Variants in ANK1 observed in about 807,000 individuals in gnomAD.
ANK1 encodes the protein ankyrin 1, also known as ankyrin-1.
ANK1 carries 51 observed loss-of-function variants against 210.4 expected under a neutral mutation model. That is an observed-to-expected ratio of 0.24 (90% CI 0.19 to 0.31). The LOEUF (loss-of-function observed/expected upper bound fraction) is 0.31, where lower values mean the gene tolerates loss of function less well. Among genes scored for constraint, ANK1 ranks in the 10% least tolerant of loss-of-function variants. The pLI is 1.00. For missense variants in ANK1, 2,051 were observed against 2,504.4 expected, an observed-to-expected ratio of 0.82 and a Z score of 3.86; for synonymous variants, 967 against 1,025.9, an observed-to-expected ratio of 0.94 and a Z score of 1.10.
intron 1 of ANK1, among the ~76,000 whole-genome samples, chr8:41,895,663 G>A (rs544903585): frequency 9.2e-5 from 14 of 152,292 alleles, no homozygotes; most frequent in African/African-American, 3.4e-4. Flanking sequence ...GGCTTCCAAA[G>A]GAACTTCCCC....
intron 20 of ANK1, among the ~76,000 whole-genome samples, chr8:41,702,628 A>T (rs1374118443): frequency 3.9e-5 from 6 of 152,252 alleles, no homozygotes; most frequent in Non-Finnish European, 7.3e-5. Flanking sequence ...CTCGGAAATC[A>T]CAAATCACCA....
At position 41,696,387 on chromosome 8, in the gene ANK1, C is replaced by A. The variant is rs1312514127; in HGVS notation, c.2936G>T (p.Gly979Val). The part of the protein sequence containing the change: ...EGLASRIIAL[G>V]PTGAQFLSPV... Reference sequence around the variant, plus strand: ...CCTCAGGAACTGTGCCCCCGTGGGCCCCAGTGCTATGATCCTGCTGGCCAG... The same window carrying A: ...CCTCAGGAACTGTGCCCCCGTGGGCACCAGTGCTATGATCCTGCTGGCCAG... Residue 979 changes from glycine (G) to valine (V), a missense_variant, in exon 26 of 43, where the codon GGG (glycine) becomes GTG (valine). Physicochemically the swap from Gly to Val is moderately radical, Grantham distance 109. Transcript: ENST00000289734. 6.2e-7 allele frequency: 1 copy of A among 1,613,324 alleles called. No homozygotes were observed.
intron 2 of ANK1, among the ~76,000 whole-genome samples, chr8:41,738,060 A>T (rs1481049944): frequency 3.3e-5 from 5 of 152,190 alleles, no homozygotes; most frequent in African/African-American, 1.2e-4. Context: ...ACAGCATGTA[A>T]AGGGGTAGAG....
chr8:41,866,775 G>A (rs982497757), intron 1 of ANK1, among the ~76,000 whole-genome samples: 2 of 152,240 alleles, frequency 1.3e-5, no homozygotes, highest in African/African-American at 2.4e-5. Context: ...TGTGGCAGGT[G>A]TAGCAGTGTC....
rs1375440010 is a variant in ANK1, at chr8:41,693,943, C to T, written c.3487G>A (p.Gly1163Arg). 22 of 1,613,550 alleles carry T rather than the reference C, an allele frequency of 1.4e-5. No homozygotes were observed. Among genetic ancestry groups the T allele is most frequent in the Admixed American group, 1.2e-4 (7 of 59,968 alleles). ...CGCAGGCTGGTGGTGTCTCCCTCCC[C>T]GCTGTCCCTCGGGTTGTCGGTCCAG... ...PSWTDNPRDSGEGDTTSLRLL... is the reference protein window; with the variant it reads ...PSWTDNPRDSREGDTTSLRLL... Residue 1163 changes from glycine to arginine, a missense_variant, in exon 29 of 43, where the codon GGG (glycine) becomes AGG (arginine). Coordinates refer to ENST00000289734, the MANE Select transcript of ANK1 (RefSeq NM_000037.4).
upstream of ANK1, chr8:41,797,691 C>A: frequency 8.3e-7 from 1 of 1,200,636 alleles, no homozygotes; most frequent in South Asian, 2.0e-5. This position sits in a 1 kb window ranked among gnomAD's most constrained non-coding sequence, Gnocchi z 4.0. Context: ...TGCTGTCGGG[C>A]CGGGCGCTCC....
At chr8:41,848,836 A>G (rs1297531404) in intron 1 of ANK1, among the ~76,000 whole-genome samples, 1 of 152,112 alleles carries the variant, frequency 6.6e-6, no homozygotes, top group Non-Finnish European at 1.5e-5. Context: ...CCAAGCAGGG[A>G]GTAGGTGGCC....
chr8:41,708,176 C>T (rs778878866), intron 17 of ANK1, among the ~76,000 whole-genome samples: 2 of 151,952 alleles, frequency 1.3e-5, no homozygotes, highest in Non-Finnish European at 2.9e-5. Context: ...AATTATATTT[C>T]GATAAAACTG....
intron 24 of ANK1, chr8:41,697,606 C>T (rs1006885587): frequency 3.0e-5 from 10 of 338,212 alleles, no homozygotes; most frequent in African/African-American, 1.1e-4. Context: ...TTCATGCGTC[C>T]GAGTCCACTC....
At position 41,775,368 on chromosome 8, in the gene ANK1, G is replaced by A. The variant is rs371915352; in HGVS notation, c.28-17231C>T. 4.1e-4 allele frequency among the ~76,000 whole-genome samples: 63 copies of A among 152,274 alleles called. No homozygotes were observed. The South Asian group carries it at 9.7e-3, about 23-fold the overall frequency. On this transcript the variant is annotated intron_variant, in intron 1 of 42. Transcript: ENST00000289734. ...GAGACCTGCCCAAGATTCCAGAGGG[G>A]CTTGTGACCCTGAAATTTGGGGTCT...
intron 1 of ANK1, among the ~76,000 whole-genome samples, chr8:41,806,604 G>A (rs1021083080): frequency 6.6e-6 from 1 of 152,142 alleles, no homozygotes; most frequent in African/African-American, 2.4e-5. Context: ...CCAGCTATTC[G>A]GGAAACAGGA....
At chr8:41,829,051 C>G (rs924048278) in intron 1 of ANK1, 2 of 152,282 alleles carry the variant, frequency 1.3e-5, no homozygotes, top group African/African-American at 4.8e-5. Context: ...CGCGTCTAGA[C>G]CGGTCCGTGA....
intron 1 of ANK1, among the ~76,000 whole-genome samples, chr8:41,846,299 ATTATGCTGGC>A (rs1464167971): frequency 6.6e-6 from 1 of 152,236 alleles, no homozygotes; most frequent in East Asian, 1.9e-4. Context: ...CACACTGCCC[ATTATGCTGGC>A]AACTAGCTGA....
chr8:41,686,113 A>T, intron 36 of ANK1, 39 bp downstream of exon 36: 1 of 1,614,104 alleles, frequency 6.2e-7, no homozygotes, highest in Non-Finnish European at 8.5e-7. Context: ...GGTGGGGAGG[A>T]GGTCCTAGGA....
At chr8:41,700,512 G>A (rs900540237) in intron 22 of ANK1, 8 of 1,539,972 alleles carry the variant, frequency 5.2e-6, no homozygotes, top group African/African-American at 2.7e-5. Flanking sequence ...CAGTTAAAGC[G>A]AGAGGCATAT....
At position 41,672,460 on chromosome 8, in the gene ANK1, G is replaced by C; in HGVS notation, c.4990C>G (p.Gln1664Glu). 6.2e-7 allele frequency: 1 copy of C among 1,614,236 alleles called. No individual in the cohort carries two copies. The highest frequency in any genetic ancestry group is 1.1e-5 in the South Asian group (1 of 91,084). ...KRQDDATGAG[Q>E]DSENEVSLVS... ...AGAGACACTTCATTCTCTGAGTCCTGCCCTGCACCTGTCGCGTCATCCTGC... is the reference window on the plus strand; with the variant it reads ...AGAGACACTTCATTCTCTGAGTCCTCCCCTGCACCTGTCGCGTCATCCTGC... The change falls in exon 38 of 43, where the codon CAG (glutamine) becomes GAG (glutamate). Residue 1664 changes from glutamine (Q) to glutamate (E), a missense_variant. By Grantham distance (29) the Gln-to-Glu change is conservative. Transcript: ENST00000289734.
Position 41,719,824 on chromosome 8 carries a change from C to T in ANK1, c.944G>A (p.Gly315Glu). 6.2e-7 allele frequency: 1 copy of T among 1,614,206 alleles called. No homozygotes were observed. Among genetic ancestry groups the T allele is most frequent in the Non-Finnish European group, 8.5e-7 (1 of 1,180,032 alleles). Residue 315 changes from glycine to glutamate, a missense_variant, in exon 10 of 43, where the codon GGA becomes GAA. Around this residue, in one of 6 missense-constraint regions of ANK1, gnomAD observed 1,413 missense variants for 1,707.4 expected, o/e 0.83. Coordinates refer to ENST00000289734, the MANE Select transcript of ANK1 (RefSeq NM_000037.4). ...GAGCCGGACACAGTCGAGGTGGTCTCCCTGAGCCGCCATGTGAATTGGGGA... is the reference window on the plus strand; with the variant it reads ...GAGCCGGACACAGTCGAGGTGGTCTTCCTGAGCCGCCATGTGAATTGGGGA... ...GLSPIHMAAQ[G>E]DHLDCVRLLL... is the part of the protein sequence containing the mutation.
At chr8:41,771,409 C>T (rs548772587) in intron 1 of ANK1, among the ~76,000 whole-genome samples, 1 of 152,332 alleles carries the variant, frequency 6.6e-6, no homozygotes, top group East Asian at 1.9e-4. Context: ...CACAACCACA[C>T]CCTTAGACCA....
intron 1 of ANK1, among the ~76,000 whole-genome samples, chr8:41,823,198 T>C (rs915340551): frequency 6.6e-6 from 1 of 152,062 alleles, no homozygotes; most frequent in African/African-American, 2.4e-5. Context: ...CATGGGAGTA[T>C]TTTCCTTCTA....
Sources: gnomAD v4.1 joint callset for allele counts (sites outside exome capture counted in the v4.1 genomes callset) on GRCh38, gnomAD v4.1.1 for gene constraint, gnomAD v4.1.1 regional missense constraint, Gnocchi (gnomAD v3.1) non-coding constraint, MANE v1.5 for transcripts, NCBI Gene and HGNC (gene_info 2026-07-23, HGNC 2026-07-21) for gene names.